MYOM2: variants seen among roughly 807,000 people sequenced by gnomAD.
MYOM2 encodes the protein myomesin-2.
Under a neutral mutation model 187.6 loss-of-function variants are expected in MYOM2, and 254 were observed. The ratio of observed to expected loss-of-function variants is 1.35; its 90% CI spans 1.22 to 1.50. The LOEUF (loss-of-function observed/expected upper bound fraction) is 1.50, where lower values mean the gene tolerates loss of function less well. MYOM2 is among the 40% of genes most tolerant of loss of function. The pLI is 0.00. For missense variants in MYOM2, 2,796 were observed against 1,924.0 expected (o/e 1.45, Z -8.48); for synonymous variants, 981 against 753.8 (o/e 1.30, Z -4.94).
At chr8:2,061,307 G>C (rs993495854) in intron 6 of MYOM2, among the ~76,000 whole-genome samples, 1 of 152,118 alleles carries the variant, frequency 6.6e-6, no homozygotes, top group Non-Finnish European at 1.5e-5. Context: ...TGTTTAGTGA[G>C]GGAGGGCGTC....
intron 6 of MYOM2, 66 bp downstream of exon 6, chr8:2,059,311 A>G: frequency 4.1e-6 from 6 of 1,449,044 alleles, no homozygotes; most frequent in Non-Finnish European, 5.8e-6. Context: ...CCCAAAGAAG[A>G]AGTCAGATGG....
intron 21 of MYOM2, among the ~76,000 whole-genome samples, chr8:2,104,168 T>C (rs1345208668): frequency 6.6e-6 from 1 of 152,136 alleles, no homozygotes; most frequent in African/African-American, 2.4e-5. Context: ...TTGGTAATTT[T>C]CTTGATTTCA....
At chr8:2,056,785 A>G (rs6558590) in intron 3 of MYOM2, among the ~76,000 whole-genome samples, 132,390 of 152,148 alleles carry the variant, frequency 0.87, 57,772 homozygotes, top group East Asian at 1. Flanking sequence ...CCGTTAGCCC[A>G]GTAGCACCTA....
chr8:2,053,747 T>G (rs1818566954), intron 3 of MYOM2, among the ~76,000 whole-genome samples: 1 of 152,216 alleles, frequency 6.6e-6, no homozygotes. Context: ...CAGTCTGTCT[T>G]AGACGTAGTA....
rs973886187 is a variant in MYOM2 at position 2,125,750 on chromosome 8, G to T, written c.3694+1533G>T. On this transcript the variant is annotated intron_variant, in intron 31 of 36. Transcript: ENST00000262113. Reference sequence around the variant, plus strand: ...AGTCTCCAGAGTAGCTGGGACTACAGGCACGCATCACCACACCCAGCTAAT... The same window carrying T: ...AGTCTCCAGAGTAGCTGGGACTACATGCACGCATCACCACACCCAGCTAAT... 4.0e-5 allele frequency among the ~76,000 whole-genome samples: 6 copies of T among 151,102 alleles called. No individual in the cohort carries two copies. In the Admixed American group the frequency reaches 4.0e-4, roughly 10 times the overall value.
At chr8:2,142,981 C>G (rs1312633434) in intron 35 of MYOM2, among the ~76,000 whole-genome samples, 2 of 151,972 alleles carry the variant, frequency 1.3e-5, no homozygotes, top group Non-Finnish European at 2.9e-5. Flanking sequence ...GTCTCTAACT[C>G]CTGACCTCAG....
intron 31 of MYOM2, chr8:2,127,859 G>A (rs1300168290): frequency 1.3e-5 from 2 of 153,124 alleles, no homozygotes; most frequent in African/African-American, 4.8e-5. Context: ...GTCACGGAGG[G>A]GGCCTTTGTT....
At chr8:2,092,674 G>A (rs1796349724) in intron 16 of MYOM2, among the ~76,000 whole-genome samples, 154 bp downstream of exon 16, 1 of 152,186 alleles carries the variant, frequency 6.6e-6, no homozygotes, top group Non-Finnish European at 1.5e-5. Context: ...TAATTTTAAA[G>A]TTTGACCACT....
At chr8:2,107,064 G>A (rs1302694150) in intron 23 of MYOM2, among the ~76,000 whole-genome samples, 3 of 152,198 alleles carry the variant, frequency 2.0e-5, no homozygotes, top group East Asian at 1.9e-4. Context: ...GAAGACGGCA[G>A]AGAGAAGTGA....
At chr8:2,094,612 C>G (rs558641385) in intron 17 of MYOM2, among the ~76,000 whole-genome samples, 2 of 152,220 alleles carry the variant, frequency 1.3e-5, no homozygotes, top group Non-Finnish European at 2.9e-5. Flanking sequence ...GATCGTGCCA[C>G]TGTACTCCAG....
chr8:2,092,726 G>A (rs902064351), intron 16 of MYOM2, among the ~76,000 whole-genome samples: 9 of 151,384 alleles, frequency 5.9e-5, no homozygotes, highest in Non-Finnish European at 1.3e-4. Flanking sequence ...CGACCGAAAC[G>A]ATTTATTTAT....
At chr8:2,144,442 A>AT (rs1798384165) in intron 36 of MYOM2, among the ~76,000 whole-genome samples, 2 of 152,252 alleles carry the variant, frequency 1.3e-5, no homozygotes, top group East Asian at 3.9e-4. Context: ...ATGCTCACTG[A>AT]TTTTTTTACG....
chr8:2,050,798 A>T lies in MYOM2; in HGVS notation c.32A>T (p.Lys11Met). Residue 11 changes from lysine (K) to methionine (M), a missense_variant, in exon 2 of 37, where the codon AAG (lysine) becomes ATG (methionine). Transcript: ENST00000262113. MSLVTVPFYQKRHRHFDQSYR... is the reference protein window; with the variant it reads MSLVTVPFYQMRHRHFDQSYR... ...CTTGTGACTGTCCCCTTCTACCAGA[A>T]GAGACATAGGCACTTCGACCAGTCC... 6.2e-7 allele frequency: 1 copy of T among 1,613,252 alleles called. No individual in the cohort carries two copies. Among genetic ancestry groups the T allele is most frequent in the Non-Finnish European group, 8.5e-7 (1 of 1,179,196 alleles).
At chr8:2,115,215 A>G (rs921093823) in intron 25 of MYOM2, among the ~76,000 whole-genome samples, 4 of 152,216 alleles carry the variant, frequency 2.6e-5, no homozygotes, top group African/African-American at 7.2e-5. Context: ...AGAAATAAGC[A>G]TTAATAAAGA....
chr8:2,103,718 T>C (rs1796798556), intron 21 of MYOM2, among the ~76,000 whole-genome samples: 1 of 149,562 alleles, frequency 6.7e-6, no homozygotes, highest in Admixed American at 6.6e-5. Flanking sequence ...TGTATTAGTG[T>C]ATATGTGTAT....
intron 17 of MYOM2, among the ~76,000 whole-genome samples, chr8:2,095,385 G>T (rs960928631): frequency 6.7e-6 from 1 of 149,616 alleles, no homozygotes; most frequent in Admixed American, 6.7e-5. Context: ...TTGAGCTTTT[G>T]GGCTCAAGTG....
At chr8:2,110,593 C>A (rs1797037510) in intron 25 of MYOM2, among the ~76,000 whole-genome samples, 1 of 152,196 alleles carries the variant, frequency 6.6e-6, no homozygotes. Context: ...ATCTTTACTG[C>A]TTCTGCCTTT....
At chr8:2,057,213 C>T in intron 3 of MYOM2, 135 bp from the exon 4 acceptor site, 1 of 955,738 alleles carries the variant, frequency 1.0e-6, no homozygotes, top group Admixed American at 3.2e-5. Flanking sequence ...GCAGAAGTAG[C>T]ATTTCTCCTG....
Position 2,073,602 on chromosome 8 carries a change from G to A in MYOM2, c.1120+102G>A, listed in dbSNP as rs1187027599. 6.6e-6 allele frequency: 9 copies of A among 1,366,016 alleles called. No homozygotes were observed. The East Asian group carries it at 1.0e-4, about 15-fold the overall frequency. The allele number at this position is 1,366,016 out of a possible 1,614,324, so 84.6% of individuals were successfully genotyped here. On this transcript the variant is annotated intron_variant, in intron 10 of 36. Coordinates refer to ENST00000262113, the MANE Select transcript of MYOM2 (RefSeq NM_003970.4). ...CGCTGGGAAAAGGAGTCCAGAGGGTGTGAGACCACTTTGCTCCTTGGAGAC... is the reference window on the plus strand; with the variant it reads ...CGCTGGGAAAAGGAGTCCAGAGGGTATGAGACCACTTTGCTCCTTGGAGAC...
Sources: gnomAD v4.1 joint callset for allele counts (sites outside exome capture counted in the v4.1 genomes callset) on GRCh38, gnomAD v4.1.1 for gene constraint, MANE v1.5 for transcripts, NCBI Gene and HGNC (gene_info 2026-07-23, HGNC 2026-07-21) for gene names.